ASIC2: variants seen among roughly 807,000 people sequenced by gnomAD.
ASIC2 encodes acid sensing ion channel subunit 2, also known as acid-sensing ion channel 2.
A neutral mutation model predicts 57.3 loss-of-function variants in ASIC2; 25 were observed. The observed-to-expected ratio is 0.44, with a 90% CI of 0.32 to 0.61. ASIC2 has a LOEUF of 0.61. Ranked by LOEUF, ASIC2 falls within the 20% of genes least tolerant of loss-of-function variation. The probability of loss-of-function intolerance (pLI) is 0.06; values close to 1 mark genes in which losing one functional copy is unlikely to be tolerated. For missense variants in ASIC2, 641 were observed against 738.1 expected, an observed-to-expected ratio of 0.87 and a Z score of 1.52; for synonymous variants, 319 against 307.5, an observed-to-expected ratio of 1.04 and a Z score of -0.39.
chr17:33,943,461 C>G (rs184089135), intron 1 of ASIC2, among the ~76,000 whole-genome samples: 7 of 152,240 alleles, frequency 4.6e-5, no homozygotes, highest in Admixed American at 3.9e-4. Flanking sequence ...CTTCCACAGC[C>G]CTCCCTCCAT....
rs1186040406 is a variant in ASIC2, at chr17:33,032,067, C to A, written c.988-3675G>T. Among the ~76,000 whole-genome samples the A allele has an allele frequency of 2.0e-5, 3 of 152,306 alleles. No homozygotes were observed. The East Asian group carries it at 5.8e-4, about 29-fold the overall frequency. ...TGTATCTTATCCTGTCTGACAACCT[C>A]TCTGCCTTTTAATTGGAAGGTTTGA... is the stretch of plus-strand genomic sequence containing the variant. On this transcript the variant is annotated intron_variant, in intron 3 of 9. Coordinates refer to ENST00000225823, the MANE Select transcript of ASIC2 (RefSeq NM_183377.2).
intron 4 of ASIC2, among the ~76,000 whole-genome samples, chr17:33,027,382 G>A (rs1298334334): frequency 3.3e-5 from 5 of 152,164 alleles, no homozygotes; most frequent in African/African-American, 1.2e-4. Flanking sequence ...ATTGAATAAA[G>A]TATGATATAA....
At chr17:33,238,874 C>T (rs984373140) in intron 1 of ASIC2, among the ~76,000 whole-genome samples, 2 of 152,118 alleles carry the variant, frequency 1.3e-5, no homozygotes, top group South Asian at 2.1e-4. Flanking sequence ...CATGGTGGTG[C>T]GTGCCTGTAA....
At chr17:34,153,376 GAA>G (rs1418327909) in intron 1 of ASIC2, among the ~76,000 whole-genome samples, 4 of 152,182 alleles carry the variant, frequency 2.6e-5, no homozygotes, top group Non-Finnish European at 5.9e-5. Flanking sequence ...GCACAGCAGA[GAA>G]AATGAATAAG....
At chr17:33,586,374 A>G (rs1293455270) in intron 1 of ASIC2, among the ~76,000 whole-genome samples, 1 of 152,080 alleles carries the variant, frequency 6.6e-6, no homozygotes, top group Admixed American at 6.5e-5. Context: ...GGTTATTGCA[A>G]TAGCTTCCTA....
At chr17:33,846,338 T>C (rs984496999) in intron 1 of ASIC2, among the ~76,000 whole-genome samples, 5 of 152,140 alleles carry the variant, frequency 3.3e-5, no homozygotes, top group African/African-American at 1.2e-4. Context: ...CCAGTCTCTA[T>C]CAAAGGCCAA....
intron 1 of ASIC2, among the ~76,000 whole-genome samples, chr17:33,843,368 T>G (rs992433240): frequency 6.6e-6 from 1 of 152,182 alleles, no homozygotes; most frequent in African/African-American, 2.4e-5. Flanking sequence ...AAAAATATCT[T>G]TCTTGAATAA....
intron 1 of ASIC2, chr17:34,080,867 T>C (rs1909852709): frequency 6.6e-6 from 1 of 152,198 alleles, no homozygotes; most frequent in Admixed American, 6.5e-5. Context: ...ATTTTAGTGA[T>C]GGAGTGGGTC....
chr17:33,043,513 T>C (rs1263662846), intron 3 of ASIC2, among the ~76,000 whole-genome samples: 3 of 152,334 alleles, frequency 2.0e-5, no homozygotes, highest in East Asian at 1.9e-4. Context: ...CCTGGGCATA[T>C]GGCAAACATC....
rs561354148 is a variant in ASIC2 at position 33,455,783 on chromosome 17, G to A, written c.556-343716C>T. 5.9e-5 allele frequency among the ~76,000 whole-genome samples: 9 copies of A among 152,320 alleles called. No individual in the cohort carries two copies. The South Asian group carries it at 1.0e-3, about 18-fold the overall frequency. On this transcript the variant is annotated intron_variant, in intron 1 of 9. Transcript: ENST00000359872. Reference sequence around the variant, plus strand: ...TACATCTCAAAAGCCCCAGATAGCCGGGAATATCTGAAGGACTGACTAGAT... The same window carrying A: ...TACATCTCAAAAGCCCCAGATAGCCAGGAATATCTGAAGGACTGACTAGAT...
intron 1 of ASIC2, among the ~76,000 whole-genome samples, chr17:33,608,125 T>C (rs2142013791): frequency 6.6e-6 from 1 of 152,260 alleles, no homozygotes; most frequent in East Asian, 1.9e-4. Flanking sequence ...GGGCTCAGCA[T>C]GATGGCAGCT....
chr17:33,917,611 T>C (rs1915611841), intron 1 of ASIC2, among the ~76,000 whole-genome samples: 1 of 152,224 alleles, frequency 6.6e-6, no homozygotes, highest in Non-Finnish European at 1.5e-5. Context: ...TCTTCTTCTT[T>C]AATCTATTCT....
chr17:33,720,857 G>A (rs1909368827), intron 1 of ASIC2, among the ~76,000 whole-genome samples: 2 of 152,196 alleles, frequency 1.3e-5, no homozygotes, highest in African/African-American at 4.8e-5. Context: ...TCATACTGCA[G>A]AAAGGGAAGG....
intron 1 of ASIC2, among the ~76,000 whole-genome samples, chr17:33,957,293 C>A (rs1442407754): frequency 1.3e-5 from 2 of 152,176 alleles, no homozygotes; most frequent in East Asian, 3.9e-4. Context: ...AAGCAACATG[C>A]CCTTGGAGTC....
chr17:33,596,239 C>T (rs1007042241), intron 1 of ASIC2, among the ~76,000 whole-genome samples: 1 of 152,164 alleles, frequency 6.6e-6, no homozygotes, highest in Non-Finnish European at 1.5e-5. Flanking sequence ...CTCTAATTAT[C>T]AACATGTAGG....
intron 1 of ASIC2, among the ~76,000 whole-genome samples, chr17:34,091,137 A>G (rs1242466040): frequency 6.6e-6 from 1 of 152,202 alleles, no homozygotes; most frequent in African/African-American, 2.4e-5. Flanking sequence ...GTCCCTGAAG[A>G]TCAAGACCCC....
chr17:33,902,975 CTT>C (rs1194605089), intron 1 of ASIC2, among the ~76,000 whole-genome samples: 3 of 152,160 alleles, frequency 2.0e-5, no homozygotes, highest in Non-Finnish European at 4.4e-5. Flanking sequence ...GTCCAGGAAT[CTT>C]TTCTATTTCA....
At chr17:33,847,422 T>C (rs893095089) in intron 1 of ASIC2, among the ~76,000 whole-genome samples, 1 of 152,050 alleles carries the variant, frequency 6.6e-6, no homozygotes, top group Non-Finnish European at 1.5e-5. Flanking sequence ...TTTCTCCTTA[T>C]ATGACCTGAC....
chr17:33,921,626 G>A (rs1331586132), intron 1 of ASIC2, among the ~76,000 whole-genome samples: 2 of 152,066 alleles, frequency 1.3e-5, no homozygotes, highest in Admixed American at 6.6e-5. Flanking sequence ...TCCATAGAGA[G>A]GTTCTGTGCT....
Sources: gnomAD v4.1 joint callset for allele counts (sites outside exome capture counted in the v4.1 genomes callset) on GRCh38, gnomAD v4.1.1 for gene constraint, MANE v1.5 for transcripts, NCBI Gene and HGNC (gene_info 2026-07-23, HGNC 2026-07-21) for gene names.